Variants in TRABD2A observed in about 807,000 individuals in gnomAD.
TRABD2A encodes the protein TraB domain containing 2A.
A neutral mutation model predicts 45.6 loss-of-function variants in TRABD2A; 43 were observed. The observed-to-expected ratio is 0.94, with a 90% CI of 0.74 to 1.22. The LOEUF (loss-of-function observed/expected upper bound fraction) is 1.22, where lower values mean the gene tolerates loss of function less well. TRABD2A is among the 50% of genes most tolerant of loss of function. The probability of loss-of-function intolerance (pLI) is 0.00; values close to 1 mark genes in which losing one functional copy is unlikely to be tolerated. For missense variants in TRABD2A, 642 were observed against 652.4 expected, an observed-to-expected ratio of 0.98 and a Z score of 0.17; for synonymous variants, 269 against 265.0, an observed-to-expected ratio of 1.02 and a Z score of -0.15.
At chr2:84,850,119 C>A (rs1180794986) in intron 2 of TRABD2A, among the ~76,000 whole-genome samples, 1 of 152,122 alleles carries the variant, frequency 6.6e-6, no homozygotes, top group African/African-American at 2.4e-5. Flanking sequence ...TTCTCTTGAA[C>A]AAAAAATTGC....
chr2:84,879,585 A>G (rs1377869791), intron 1 of TRABD2A: 2 of 984,994 alleles, frequency 2.0e-6, no homozygotes, highest in African/African-American at 3.5e-5. Context: ...GATCTTATCC[A>G]GACTCACTCG....
intron 2 of TRABD2A, among the ~76,000 whole-genome samples, chr2:84,867,335 A>C (rs1213458242): frequency 1.3e-5 from 2 of 152,246 alleles, no homozygotes; most frequent in Non-Finnish European, 2.9e-5. Flanking sequence ...GCTCTAAAAT[A>C]TCTCTGAAAT....
intron 2 of TRABD2A, among the ~76,000 whole-genome samples, chr2:84,869,713 C>A (rs59750695): frequency 6.6e-6 from 1 of 152,158 alleles, no homozygotes; most frequent in East Asian, 1.9e-4. Context: ...GGCACAGTGG[C>A]TCACACCTGT....
At chr2:84,861,917 C>G (rs538076834) in intron 2 of TRABD2A, among the ~76,000 whole-genome samples, 1 of 152,224 alleles carries the variant, frequency 6.6e-6, no homozygotes, top group Non-Finnish European at 1.5e-5. Context: ...CTGAAGCTCC[C>G]TTTTAAGCTC....
intron 2 of TRABD2A, among the ~76,000 whole-genome samples, chr2:84,851,632 TC>T (rs1682099347): frequency 6.6e-6 from 1 of 152,262 alleles, no homozygotes; most frequent in Admixed American, 6.5e-5. Context: ...TTTGCATATA[TC>T]AGTACATTGT....
Position 84,837,275 on chromosome 2 carries a change from T to A in TRABD2A, c.991+1874A>T, listed in dbSNP as rs576023896. The A allele has an allele frequency of 1.1e-3, 169 of 152,360 alleles. 2 individuals carry two copies. Among genetic ancestry groups the A allele is most frequent in the African/African-American group, 3.9e-3 (164 of 41,584 alleles). The allele number at this position is 152,360 out of a possible 1,614,324, so 9.4% of individuals were successfully genotyped here. ...TCCCAAAGTGCTGGGATTATAGGCG[T>A]GAGCCTCCGCACCTGGCCTCTTTTA... On this transcript the variant is annotated intron_variant, in intron 4 of 6. Coordinates refer to ENST00000409520, the MANE Select transcript of TRABD2A (RefSeq NM_001277053.2).
chr2:84,836,403 G>A (rs985865326), intron 4 of TRABD2A: 1 of 152,166 alleles, frequency 6.6e-6, no homozygotes, highest in Non-Finnish European at 1.5e-5. Flanking sequence ...GGCTTCTGAT[G>A]AGAAATCTGC....
intron 2 of TRABD2A, among the ~76,000 whole-genome samples, chr2:84,859,288 G>A (rs1050457742): frequency 6.6e-6 from 1 of 152,084 alleles, no homozygotes; most frequent in South Asian, 2.1e-4. Context: ...CAGTATGGCC[G>A]GATTGAGCTA....
chr2:84,873,965 A>C (rs1190382697), intron 1 of TRABD2A, among the ~76,000 whole-genome samples: 1 of 152,154 alleles, frequency 6.6e-6, no homozygotes. Flanking sequence ...ATTCATTGTC[A>C]TCTATCAGGA....
In TRABD2A at chr2:84,879,221, TC is replaced by T. The variant is rs543883760; in HGVS notation, c.108+1710del. Among the ~76,000 whole-genome samples the T allele has an allele frequency of 1.5e-3, 234 of 151,754 alleles. 2 individuals are homozygous for T. The highest frequency in any genetic ancestry group is 5.3e-3 in the African/African-American group (218 of 41,294). ...TTTTTGGATATAGGGTCTCGCTCTT[TC>T]ACCCAAGCTGGAGTGCAGTGGCACA... On this transcript the variant is annotated intron_variant, in intron 1 of 6. Coordinates refer to ENST00000409520, the MANE Select transcript of TRABD2A (RefSeq NM_001277053.2).
intron 2 of TRABD2A, among the ~76,000 whole-genome samples, chr2:84,846,919 C>T (rs191318437): frequency 2.0e-5 from 3 of 152,362 alleles, no homozygotes; most frequent in South Asian, 4.1e-4. Context: ...GGAGGCAGGT[C>T]ACTGCTATCC....
At chr2:84,879,070 CAT>C (rs34761451) in intron 1 of TRABD2A, among the ~76,000 whole-genome samples, 15,525 of 152,074 alleles carry the variant, frequency 0.1, 975 homozygotes, top group Middle Eastern at 0.24. Context: ...CTGGAGGCTA[CAT>C]GTGTGTGATG....
chr2:84,866,196 G>C (rs1486000857), intron 2 of TRABD2A, among the ~76,000 whole-genome samples: 4 of 152,188 alleles, frequency 2.6e-5, no homozygotes, highest in African/African-American at 9.6e-5. Context: ...AGGGAGGAGT[G>C]GGGACTGCGG....
At chr2:84,857,520 A>C (rs1027287917) in intron 2 of TRABD2A, among the ~76,000 whole-genome samples, 1 of 152,232 alleles carries the variant, frequency 6.6e-6, no homozygotes, top group Non-Finnish European at 1.5e-5. Context: ...AGTGCTAAGC[A>C]GTTCATCTGA....
At chr2:84,856,599 T>C (rs933009080) in intron 2 of TRABD2A, among the ~76,000 whole-genome samples, 6 of 152,162 alleles carry the variant, frequency 3.9e-5, no homozygotes, top group Non-Finnish European at 7.3e-5. Context: ...AGAAGTGCTA[T>C]GTTGTCAATG....
At chr2:84,825,777 A>G (rs562593387) in intron 5 of TRABD2A, among the ~76,000 whole-genome samples, 13 of 152,196 alleles carry the variant, frequency 8.5e-5, no homozygotes, top group African/African-American at 2.6e-4. Context: ...GCAAGCAACC[A>G]TATTACCACC....
chr2:84,863,294 G>A (rs1682560079), intron 2 of TRABD2A, among the ~76,000 whole-genome samples: 1 of 139,352 alleles, frequency 7.2e-6, no homozygotes, highest in Non-Finnish European at 1.5e-5. Flanking sequence ...GCCCAGGCTG[G>A]AGTGCAGTGG....
chr2:84,839,240 C>A lies in TRABD2A; in HGVS notation c.900G>T (p.Leu300=), dbSNP rs375360900. ...CTATTCTCTCATTCCGCTTGTAGAT[C>A]AGCTCCCGGCGTAAGTAGCTGTCAA... ...QEIDSYLRRE[L]IYKRNERIGK... is the part of the protein sequence containing the mutation. Residue 300 remains leucine (L), a synonymous_variant, in exon 4 of 7, where the codon CTG becomes CTT. Transcript: ENST00000409520. 2.5e-6 allele frequency: 4 copies of A among 1,613,926 alleles called. No individual in the cohort carries two copies. The Admixed American group carries it at 5.0e-5, about 20-fold the overall frequency.
chr2:84,841,452 C>T (rs1681706650), intron 3 of TRABD2A, among the ~76,000 whole-genome samples: 1 of 152,248 alleles, frequency 6.6e-6, no homozygotes, highest in Admixed American at 6.5e-5. Flanking sequence ...TGTGAATACA[C>T]AGCTATATCA....
Sources: gnomAD v4.1 joint callset for allele counts (sites outside exome capture counted in the v4.1 genomes callset) on GRCh38, gnomAD v4.1.1 for gene constraint, MANE v1.5 for transcripts, NCBI Gene and HGNC (gene_info 2026-07-23, HGNC 2026-07-21) for gene names.